Variants in STX8 observed in about 807,000 individuals in gnomAD.
The protein encoded by STX8 is syntaxin-8.
In STX8, 23 loss-of-function variants were observed where a neutral mutation model predicts 37.5. The ratio of observed to expected loss-of-function variants is 0.61; its 90% CI spans 0.44 to 0.87. STX8 has a LOEUF of 0.87. Among genes scored for constraint, STX8 ranks in the 40% least tolerant of loss-of-function variants. The pLI, the probability that STX8 is intolerant of heterozygous loss-of-function variation, is 0.00. For missense variants in STX8, 313 were observed against 284.7 expected, an observed-to-expected ratio of 1.10 and a Z score of -0.71; for synonymous variants, 115 against 99.1, an observed-to-expected ratio of 1.16 and a Z score of -0.95.
chr17:9,387,764 A>C (rs1370233737), intron 6 of STX8, among the ~76,000 whole-genome samples: 1 of 152,226 alleles, frequency 6.6e-6, no homozygotes, highest in African/African-American at 2.4e-5. Context: ...ACATAATACA[A>C]AATTCAGGGC....
chr17:9,327,073 C>T (rs1202822038), intron 7 of STX8, among the ~76,000 whole-genome samples: 2 of 151,634 alleles, frequency 1.3e-5, no homozygotes, highest in East Asian at 3.9e-4. Flanking sequence ...AGGAGAATCG[C>T]TTGAACCTGG....
chr17:9,500,775 G>C (rs1904581242), intron 5 of STX8, among the ~76,000 whole-genome samples: 1 of 152,168 alleles, frequency 6.6e-6, no homozygotes, highest in African/African-American at 2.4e-5. Context: ...GGCCGAGGCG[G>C]GCAGATCACG....
intron 2 of STX8, among the ~76,000 whole-genome samples, chr17:9,558,181 GTCTC>G (rs2151915620): frequency 6.6e-6 from 1 of 152,340 alleles, no homozygotes; most frequent in African/African-American, 2.4e-5. Context: ...CGAGAAGAGA[GTCTC>G]TCAGGAATTT....
intron 3 of STX8, among the ~76,000 whole-genome samples, chr17:9,552,445 T>C (rs1197829093): frequency 1.3e-5 from 2 of 152,178 alleles, no homozygotes; most frequent in African/African-American, 2.4e-5. Flanking sequence ...TGAAAACCAA[T>C]AGACAGGGAC....
chr17:9,440,260 T>C (rs1904592449), intron 6 of STX8, among the ~76,000 whole-genome samples: 1 of 152,192 alleles, frequency 6.6e-6, no homozygotes, highest in Non-Finnish European at 1.5e-5. Context: ...TTGTTATTAG[T>C]ACCATTACCT....
intron 7 of STX8, among the ~76,000 whole-genome samples, chr17:9,272,569 G>C (rs1907504713): frequency 1.3e-5 from 2 of 152,242 alleles, no homozygotes; most frequent in African/African-American, 4.8e-5. Flanking sequence ...AGCCACAGCT[G>C]TCTGCCATCC....
intron 7 of STX8, among the ~76,000 whole-genome samples, chr17:9,327,557 G>A (rs79997048): frequency 0.045 from 6,868 of 152,202 alleles, 499 homozygotes; most frequent in African/African-American, 0.15. Context: ...AGTAAGGCCC[G>A]TCTGTTTGGA....
At chr17:9,399,022 C>G (rs1222326898) in intron 6 of STX8, among the ~76,000 whole-genome samples, 1 of 144,296 alleles carries the variant, frequency 6.9e-6, no homozygotes, top group East Asian at 2.1e-4. Flanking sequence ...GCACTCCAGC[C>G]TGGGTGACAG....
intron 6 of STX8, among the ~76,000 whole-genome samples, chr17:9,392,413 G>A (rs1280832174): frequency 6.6e-6 from 1 of 152,128 alleles, no homozygotes; most frequent in Admixed American, 6.6e-5. Context: ...TTCAAGATCA[G>A]TCTGGACAAC....
At chr17:9,270,060 G>A (rs116260682) in intron 7 of STX8, among the ~76,000 whole-genome samples, 3,828 of 152,284 alleles carry the variant, frequency 0.025, 152 homozygotes, top group African/African-American at 0.087. Context: ...AATTCTTTGG[G>A]GTTAAATAAC....
At chr17:9,345,219 C>T (rs1390788874) in intron 7 of STX8, among the ~76,000 whole-genome samples, 2 of 151,970 alleles carry the variant, frequency 1.3e-5, no homozygotes, top group East Asian at 3.9e-4. Flanking sequence ...GGTGCAATCT[C>T]AGCTCACTGA....
intron 6 of STX8, among the ~76,000 whole-genome samples, chr17:9,479,790 C>G (rs1055732122): frequency 2.6e-5 from 4 of 152,018 alleles, no homozygotes; most frequent in African/African-American, 9.7e-5. Flanking sequence ...ACCGACACCA[C>G]AAGCCCTAAC....
rs551631406 is a variant in STX8 at position 9,347,206 on chromosome 17, A to G, written c.643+31346T>C. Among the ~76,000 whole-genome samples, 6 of 152,204 alleles carry G rather than the reference A, an allele frequency of 3.9e-5. No individual in the cohort carries two copies. The South Asian group carries it at 1.2e-3, about 32-fold the overall frequency. On this transcript the variant is annotated intron_variant, in intron 7 of 7. Transcript: ENST00000306357. ...CCTTCAGAAGTTAGATGTATCCCCA[A>G]CATCTCCTAGTTCACTTTAATAACC...
At chr17:9,398,564 T>C (rs977176112) in intron 6 of STX8, among the ~76,000 whole-genome samples, 4 of 152,186 alleles carry the variant, frequency 2.6e-5, no homozygotes, top group African/African-American at 7.2e-5. Flanking sequence ...AAACTTACTT[T>C]AATGATAATA....
intron 7 of STX8, among the ~76,000 whole-genome samples, chr17:9,295,049 T>C (rs73265960): frequency 0.013 from 1,991 of 152,362 alleles, 44 homozygotes; most frequent in African/African-American, 0.046. Context: ...AATAAACTTC[T>C]GTTGGCTAAG....
At chr17:9,305,857 G>C (rs1347406336) in intron 7 of STX8, among the ~76,000 whole-genome samples, 3 of 146,118 alleles carry the variant, frequency 2.1e-5, no homozygotes, top group Non-Finnish European at 4.4e-5. Context: ...CGATTCTCCT[G>C]CCGCAGCCTC....
At chr17:9,302,249 T>A (rs547560662) in intron 7 of STX8, among the ~76,000 whole-genome samples, 8 of 152,332 alleles carry the variant, frequency 5.3e-5, no homozygotes, top group African/African-American at 1.9e-4. Context: ...CATCTGTGTT[T>A]ATATACCCCT....
chr17:9,291,441 C>CA (rs371757156), intron 7 of STX8, among the ~76,000 whole-genome samples: 28,958 of 84,734 alleles, frequency 0.34, 3,758 homozygotes, highest in Middle Eastern at 0.48. Flanking sequence ...GACTCGGTCT[C>CA]AAAAAAAAAA....
chr17:9,317,989 A>G (rs1909446002), intron 7 of STX8, among the ~76,000 whole-genome samples: 1 of 152,142 alleles, frequency 6.6e-6, no homozygotes, highest in Non-Finnish European at 1.5e-5. Flanking sequence ...AGAGCTTCCC[A>G]TTGGCCTTTC....
Sources: allele counts gnomAD v4.1 joint callset (sites outside exome capture counted in the v4.1 genomes callset), GRCh38; gene constraint gnomAD v4.1.1; transcripts MANE v1.5; gene names NCBI Gene and HGNC (gene_info 2026-07-23, HGNC 2026-07-21).